Variants in COMMD1 observed in about 807,000 individuals in gnomAD.
The protein encoded by COMMD1 is COMM domain-containing protein 1.
A neutral mutation model predicts 17.2 loss-of-function variants in COMMD1; 10 were observed. The ratio of observed to expected loss-of-function variants is 0.58; its 90% confidence interval spans 0.36 to 0.99. The LOEUF is 0.99. Ranked by LOEUF, COMMD1 falls within the 50% of genes least tolerant of loss-of-function variation. COMMD1 has a pLI of 0.01. For synonymous variants in COMMD1, 97 were observed against 91.6 expected (o/e 1.06, Z -0.34); for missense variants, 270 against 231.8 (o/e 1.17, Z -1.07).
At chr2:62,090,580 T>C (rs1057029497) in intron 2 of COMMD1, 1 of 152,238 alleles carries the variant, frequency 6.6e-6, no homozygotes, top group African/African-American at 2.4e-5. Context: ...CAACCACTTT[T>C]GTATTGCACC....
intron 2 of COMMD1, among the ~76,000 whole-genome samples, chr2:62,025,175 G>C (rs981623697): frequency 1.1e-4 from 17 of 152,042 alleles, no homozygotes; most frequent in African/African-American, 3.9e-4. Context: ...AGCCAAGATT[G>C]CACCACTGCA....
At chr2:61,896,110 G>A (rs1227331915) in intron 1 of COMMD1, among the ~76,000 whole-genome samples, 1 of 152,190 alleles carries the variant, frequency 6.6e-6, no homozygotes, top group Non-Finnish European at 1.5e-5. Flanking sequence ...CCAATGCAAA[G>A]TTACATGGAT....
intron 2 of COMMD1, among the ~76,000 whole-genome samples, chr2:62,106,355 G>T (rs757968700): frequency 6.6e-6 from 1 of 152,124 alleles, no homozygotes; most frequent in Non-Finnish European, 1.5e-5. Context: ...CATTCTCTGT[G>T]TTCTACTCAG....
chr2:61,983,824 A>G (rs934371124), intron 1 of COMMD1, among the ~76,000 whole-genome samples: 2 of 151,648 alleles, frequency 1.3e-5, no homozygotes, highest in Non-Finnish European at 2.9e-5. Flanking sequence ...CTACATTTCA[A>G]CTTCATTATT....
intron 2 of COMMD1, among the ~76,000 whole-genome samples, chr2:62,025,265 G>A (rs867227145): frequency 1.8e-4 from 27 of 151,330 alleles, no homozygotes; most frequent in Middle Eastern, 3.4e-3. Context: ...GGGTACGGTG[G>A]TTCACACCCC....
chr2:61,992,150 A>G (rs906567679), intron 1 of COMMD1, among the ~76,000 whole-genome samples: 1 of 152,210 alleles, frequency 6.6e-6, no homozygotes, highest in Non-Finnish European at 1.5e-5. Context: ...AATGCACAGC[A>G]ACAAATGCAG....
chr2:61,998,246 CT>C (rs71410912), intron 1 of COMMD1, among the ~76,000 whole-genome samples: 128 of 126,468 alleles, frequency 1.0e-3, no homozygotes, highest in East Asian at 4.6e-3. Flanking sequence ...GTTGTGCTTT[CT>C]TTTTTTTTTT....
At chr2:61,998,258 T>C (rs1668821813) in intron 1 of COMMD1, among the ~76,000 whole-genome samples, 1 of 149,790 alleles carries the variant, frequency 6.7e-6, no homozygotes, top group South Asian at 2.1e-4. Context: ...TTTTTTTTTT[T>C]TTTTTTTTGT....
At chr2:62,064,149 A>G (rs1249134166) in intron 2 of COMMD1, among the ~76,000 whole-genome samples, 1 of 151,582 alleles carries the variant, frequency 6.6e-6, no homozygotes, top group East Asian at 1.9e-4. Context: ...ATTATCACAC[A>G]TAGTAGATTT....
At chr2:62,068,732 C>G (rs1449771133) in intron 2 of COMMD1, among the ~76,000 whole-genome samples, 1 of 145,938 alleles carries the variant, frequency 6.9e-6, no homozygotes. Flanking sequence ...TCAAGTGATT[C>G]TCCTGTCTCG....
intron 1 of COMMD1, among the ~76,000 whole-genome samples, chr2:61,999,088 C>T (rs1385371690): frequency 6.6e-6 from 1 of 152,048 alleles, no homozygotes; most frequent in Admixed American, 6.6e-5. Context: ...AAAAATGGCA[C>T]CAATAGACTT....
At chr2:62,054,670 G>T (rs1031335307) in intron 2 of COMMD1, among the ~76,000 whole-genome samples, 1 of 152,142 alleles carries the variant, frequency 6.6e-6, no homozygotes, top group Non-Finnish European at 1.5e-5. Flanking sequence ...TCAGGTGAAT[G>T]TAGAGAGGTG....
chr2:61,942,066 A>G (rs563505968), intron 1 of COMMD1, among the ~76,000 whole-genome samples: 1 of 152,294 alleles, frequency 6.6e-6, no homozygotes, highest in South Asian at 2.1e-4. Flanking sequence ...TTAACTAGGA[A>G]AAAAATTTAC....
At chr2:62,119,272 C>T (rs1318635811) in intron 2 of COMMD1, among the ~76,000 whole-genome samples, 1 of 152,130 alleles carries the variant, frequency 6.6e-6, no homozygotes, top group African/African-American at 2.4e-5. Context: ...CTTCTAGCCT[C>T]CAGATCTATG....
At chr2:61,922,563 G>A (rs868211395) in intron 1 of COMMD1, among the ~76,000 whole-genome samples, 1 of 152,190 alleles carries the variant, frequency 6.6e-6, no homozygotes, top group African/African-American at 2.4e-5. Context: ...TGATCCACCC[G>A]CCTCGGCCTC....
chr2:62,068,025 C>T (rs1025084696), intron 2 of COMMD1, among the ~76,000 whole-genome samples: 7 of 152,146 alleles, frequency 4.6e-5, no homozygotes, highest in Admixed American at 1.3e-4. Context: ...AATGAAGAAA[C>T]ACACTGATCA....
intron 2 of COMMD1, among the ~76,000 whole-genome samples, chr2:62,024,519 A>G (rs915895442): frequency 1.3e-5 from 2 of 152,194 alleles, no homozygotes; most frequent in African/African-American, 4.8e-5. Flanking sequence ...GGAATTTTGT[A>G]TTGAATCTTT....
At chr2:62,030,423 G>A (rs1289335020) in intron 2 of COMMD1, among the ~76,000 whole-genome samples, 1 of 152,124 alleles carries the variant, frequency 6.6e-6, no homozygotes, top group Non-Finnish European at 1.5e-5. Context: ...ACAGTTTGGG[G>A]ATTGTTTTCT....
At chr2:61,930,548 T>A (rs915794550) in intron 1 of COMMD1, among the ~76,000 whole-genome samples, 1 of 151,614 alleles carries the variant, frequency 6.6e-6, no homozygotes, top group African/African-American at 2.4e-5. Context: ...AGAGCAAGAC[T>A]CCGTCTCGGA....
Sources: allele counts gnomAD v4.1 joint callset (sites outside exome capture counted in the v4.1 genomes callset), GRCh38; gene constraint gnomAD v4.1.1; transcripts MANE v1.5; gene names NCBI Gene and HGNC (gene_info 2026-07-23, HGNC 2026-07-21).